Variants in GPR157 observed in about 807,000 individuals in gnomAD.
GPR157 encodes G-protein coupled receptor 157.
In GPR157, 16 loss-of-function variants were observed where a neutral mutation model predicts 23.5. The observed-to-expected ratio is 0.68, with a 90% CI of 0.46 to 1.04. GPR157 has a LOEUF of 1.04. Among genes scored for constraint, GPR157 ranks in the 50% least tolerant of loss-of-function variants. The pLI, the probability that GPR157 is intolerant of heterozygous loss-of-function variation, is 0.00. For missense variants in GPR157, 440 were observed against 460.7 expected, an observed-to-expected ratio of 0.96 and a Z score of 0.41; for synonymous variants, 200 against 221.5, an observed-to-expected ratio of 0.90 and a Z score of 0.86.
chr1:9,123,763 T>A (rs192454589), intron 1 of GPR157, among the ~76,000 whole-genome samples: 1,965 of 129,506 alleles, frequency 0.015, 50 homozygotes, highest in African/African-American at 0.053. Flanking sequence ...TTTAATATTA[T>A]ATATATTTAA....
At chr1:9,121,999 C>A (rs539552306) in intron 1 of GPR157, among the ~76,000 whole-genome samples, 1 of 152,210 alleles carries the variant, frequency 6.6e-6, no homozygotes, top group South Asian at 2.1e-4. Context: ...ACAGGCCATA[C>A]AGCTGATGCC....
At chr1:9,113,894 G>C (rs1438690505) in intron 1 of GPR157, among the ~76,000 whole-genome samples, 1 of 150,640 alleles carries the variant, frequency 6.6e-6, no homozygotes, top group African/African-American at 2.5e-5. Context: ...GGTGAGCCGA[G>C]ATCACGCCAC....
intron 1 of GPR157, among the ~76,000 whole-genome samples, chr1:9,126,046 C>T (rs977364335): frequency 1.3e-5 from 2 of 151,690 alleles, no homozygotes; most frequent in Non-Finnish European, 2.9e-5. Context: ...CTCACTGCAA[C>T]CTCCACTTCC....
intron 2 of GPR157, among the ~76,000 whole-genome samples, chr1:9,106,908 G>A (rs976656191): frequency 7.2e-5 from 11 of 152,142 alleles, no homozygotes; most frequent in African/African-American, 2.7e-4. Context: ...AGGTTGCAGT[G>A]AGCCAAGATC....
At position 9,111,400 on chromosome 1, in the gene GPR157, C is replaced by G; in HGVS notation, c.473G>C (p.Trp158Ser). ...ATGGTCCTTGGCCTCCAGGTCGATCCAGCACCAGCCCACAGACACGTCCGA... is the reference window on the plus strand; with the variant it reads ...ATGGTCCTTGGCCTCCAGGTCGATCGAGCACCAGCCCACAGACACGTCCGA... ...DASDVSVGWC[W>S]IDLEAKDHVL... The change falls in exon 2 of 4, where the codon TGG becomes TCG. Residue 158 changes from tryptophan (W) to serine (S), a missense_variant. By Grantham distance (177) the Trp-to-Ser change is radical. Transcript: ENST00000377411. The G allele has an allele frequency of 1.2e-6, 2 of 1,614,210 alleles. No individual in the cohort carries two copies. Among genetic ancestry groups the G allele is most frequent in the Non-Finnish European group, 1.7e-6 (2 of 1,180,042 alleles).
Position 9,128,804 on chromosome 1 carries a change from G to A in GPR157, c.224C>T (p.Pro75Leu), listed in dbSNP as rs546048891. The A allele has an allele frequency of 1.9e-6, 3 of 1,610,750 alleles. No homozygotes were observed. In the Admixed American group the frequency reaches 5.0e-5, roughly 27 times the overall value. ...GCCCTGCAGCACGCAGTCCCACGAC[G>A]GGCCCGCGAAGTTCTGCAGCACTCC... Reference protein sequence around the residue: ...FYGVLQNFAGPSWDCVLQGAL... With the variant: ...FYGVLQNFAGLSWDCVLQGAL... The change falls in exon 1 of 4, where the codon CCG (proline) becomes CTG (leucine). Residue 75 changes from proline to leucine, a missense_variant. By Grantham distance (98) the Pro-to-Leu change is moderately conservative. Transcript: ENST00000377411. The surrounding 1 kb of genome is among the most constrained non-coding windows in gnomAD (Gnocchi z 6.3).
At chr1:9,116,442 C>G (rs1638680726) in intron 1 of GPR157, among the ~76,000 whole-genome samples, 1 of 123,570 alleles carries the variant, frequency 8.1e-6, no homozygotes, top group East Asian at 2.2e-4. Context: ...ATAGCTATGA[C>G]ACGATGAGCT....
At chr1:9,116,326 A>ATATATAATATATATGT (rs1275563972) in intron 1 of GPR157, among the ~76,000 whole-genome samples, 1 of 14,644 alleles carries the variant, frequency 6.8e-5, no homozygotes, top group Non-Finnish European at 1.0e-4. Context: ...TAATATATAT[A>ATATATAATATATATGT]AATTATATAT....
At chr1:9,116,271 AAT>A (rs1491538080) in intron 1 of GPR157, among the ~76,000 whole-genome samples, 1 of 12,316 alleles carries the variant, frequency 8.1e-5, no homozygotes, top group Non-Finnish European at 1.1e-4. Context: ...TATATAATAT[AAT>A]TATATATAAA....
rs1245161859 is a variant in GPR157 at position 9,101,962 on chromosome 1, A to G, written c.*2457T>C. The G allele has an allele frequency of 6.6e-6, 1 of 152,212 alleles. No homozygotes were observed. The highest frequency in any genetic ancestry group is 2.4e-5 in the African/African-American group (1 of 41,454). 9.4% of individuals were successfully genotyped at this position (152,212 alleles called of 1,614,324 possible). ...TCTAGAAGCTCAAGTGAGGGTCTTT[A>G]CCAGAGACATACCCAGAGATTTGCT... On this transcript the variant is annotated 3_prime_UTR_variant, in exon 4 of 4. Transcript: ENST00000377411.
At chr1:9,113,642 G>A (rs1638561835) in intron 1 of GPR157, among the ~76,000 whole-genome samples, 1 of 152,176 alleles carries the variant, frequency 6.6e-6, no homozygotes, top group Non-Finnish European at 1.5e-5. Context: ...CAAAGACACA[G>A]GAGCAAAAAG....
intron 1 of GPR157, among the ~76,000 whole-genome samples, chr1:9,123,444 TAC>T (rs1638873468): frequency 8.6e-6 from 1 of 115,808 alleles, no homozygotes; most frequent in African/African-American, 3.5e-5. Flanking sequence ...TTAATTTAAA[TAC>T]ATATTAAAAT....
intron 2 of GPR157, 114 bp downstream of exon 2, chr1:9,111,162 G>T: frequency 1.1e-6 from 1 of 904,112 alleles, no homozygotes; most frequent in Non-Finnish European, 1.8e-6. Flanking sequence ...CCCATCACTG[G>T]TTCTGTCCCC....
chr1:9,123,112 C>G (rs1349608855), intron 1 of GPR157, among the ~76,000 whole-genome samples: 1 of 145,732 alleles, frequency 6.9e-6, no homozygotes, highest in East Asian at 2.0e-4. Context: ...GCCGAGAGAT[C>G]GCACCATTGT....
intron 2 of GPR157, among the ~76,000 whole-genome samples, chr1:9,106,426 C>T (rs1202271016): frequency 1.3e-5 from 2 of 152,188 alleles, no homozygotes; most frequent in Admixed American, 6.5e-5. Flanking sequence ...TCAGCGCTCC[C>T]CACTCCACAT....
intron 1 of GPR157, among the ~76,000 whole-genome samples, chr1:9,116,304 T>TA (rs1557698155): frequency 0.018 from 206 of 11,228 alleles, 1 homozygote; most frequent in East Asian, 0.028. Context: ...ATTATATATA[T>TA]TATATTATAT....
intron 1 of GPR157, among the ~76,000 whole-genome samples, chr1:9,123,339 A>AAT (rs1396600767): frequency 2.8e-4 from 7 of 25,364 alleles, no homozygotes; most frequent in South Asian, 1.2e-3. Flanking sequence ...ATTTAATTTA[A>AAT]ATATATATAT....
chr1:9,111,579 A>G lies in GPR157; in HGVS notation c.384-90T>C, dbSNP rs1638498460. 7.5e-5 allele frequency: 76 copies of G among 1,006,974 alleles called. 3 individuals carry two copies. The South Asian group carries it at 1.1e-3, about 14-fold the overall frequency. 62.4% of individuals were successfully genotyped at this position (1,006,974 alleles called of 1,614,324 possible). A position where few individuals can be genotyped will look rare whatever the true frequency, so the allele number is the denominator to read the frequency against. The stretch of plus-strand genomic sequence containing the variant: ...GCAAAAATGACGGAGGACGCCCTTC[A>G]GAAAGGGGATGCTCTCCAGAGCCTG... On this transcript the variant is annotated intron_variant, in intron 1 of 3. Coordinates refer to ENST00000377411, the MANE Select transcript of GPR157 (RefSeq NM_024980.5).
At position 9,102,739 on chromosome 1, in the gene GPR157, A is replaced by G. The variant is rs1209952456; in HGVS notation, c.*1680T>C. On this transcript the variant is annotated 3_prime_UTR_variant, in exon 4 of 4. Transcript: ENST00000377411. Reference sequence around the variant, plus strand: ...TTGCCGATGGCTCCTGTGACTGAACACAGAAGCTGTTTTCTGAAATAAGAC... The same window carrying G: ...TTGCCGATGGCTCCTGTGACTGAACGCAGAAGCTGTTTTCTGAAATAAGAC... 1 of 152,206 alleles carries G rather than the reference A, an allele frequency of 6.6e-6. No individual in the cohort carries two copies. The highest frequency in any genetic ancestry group is 1.5e-5 in the Non-Finnish European group (1 of 68,040). 9.4% of individuals were successfully genotyped at this position (152,206 alleles called of 1,614,324 possible).
Sources: gnomAD v4.1 joint callset for allele counts (sites outside exome capture counted in the v4.1 genomes callset) on GRCh38, gnomAD v4.1.1 for gene constraint, Gnocchi (gnomAD v3.1) non-coding constraint, MANE v1.5 for transcripts, NCBI Gene and HGNC (gene_info 2026-07-23, HGNC 2026-07-21) for gene names.